CRACD: variants seen among roughly 807,000 people sequenced by gnomAD.
CRACD encodes capping protein inhibiting regulator of actin dynamics, also known as capping protein-inhibiting regulator of actin dynamics.
A neutral mutation model predicts 106.8 loss-of-function variants in CRACD; 56 were observed. The ratio of observed to expected loss-of-function variants is 0.52; its 90% confidence interval spans 0.42 to 0.66. The LOEUF (loss-of-function observed/expected upper bound fraction) is 0.66. Among genes scored for constraint, CRACD ranks in the 30% least tolerant of loss-of-function variants. CRACD has a pLI of 0.00. For synonymous variants in CRACD, 754 were observed against 670.8 expected (o/e 1.12, Z -1.92); for missense variants, 1,730 against 1,623.2 (o/e 1.07, Z -1.13).
intron 2 of CRACD, among the ~76,000 whole-genome samples, chr4:56,271,105 CAAAAAA>C (rs569383234): frequency 1.6e-5 from 1 of 61,412 alleles, no homozygotes; most frequent in Non-Finnish European, 3.6e-5. Context: ...AACTCCATCT[CAAAAAA>C]AAAAAAAAAA....
Position 56,327,975 on chromosome 4 carries a change from G to A in CRACD, c.*171G>A. The stretch of plus-strand genomic sequence containing the variant: ...CTGGTGGTGTTCATTGTAAAGAGTG[G>A]ATTTGCACAACCCTAGGTCCTGGTG... On this transcript the variant is annotated 3_prime_UTR_variant, in exon 11 of 11. Transcript: ENST00000682029. 1 of 597,344 alleles carries A rather than the reference G, an allele frequency of 1.7e-6. No individual in the cohort carries two copies. Among genetic ancestry groups the A allele is most frequent in the Non-Finnish European group, 2.8e-6 (1 of 360,012 alleles). 37.0% of individuals were successfully genotyped at this position (597,344 alleles called of 1,614,324 possible).
intron 1 of CRACD, among the ~76,000 whole-genome samples, chr4:56,075,600 A>G (rs35770075): frequency 0.41 from 61,560 of 151,662 alleles, 14,413 homozygotes; most frequent in African/African-American, 0.65. Context: ...ACCATTAGCA[A>G]TCGCTCCTGG....
intron 2 of CRACD, among the ~76,000 whole-genome samples, chr4:56,202,385 T>C (rs1737923064): frequency 6.6e-6 from 1 of 152,182 alleles, no homozygotes; most frequent in South Asian, 2.1e-4. Flanking sequence ...TAGCTGGGAC[T>C]ACAGGAGCCT....
At chr4:56,210,865 G>A (rs1263298891) in intron 2 of CRACD, among the ~76,000 whole-genome samples, 1 of 152,178 alleles carries the variant, frequency 6.6e-6, no homozygotes, top group Admixed American at 6.5e-5. Flanking sequence ...CAAAGGAAGA[G>A]TTCTCCATGC....
intron 1 of CRACD, among the ~76,000 whole-genome samples, chr4:56,098,644 G>C (rs948047846): frequency 1.3e-5 from 2 of 152,098 alleles, no homozygotes; most frequent in African/African-American, 4.8e-5. Flanking sequence ...ATAATTCCCA[G>C]GGGTTAACAC....
rs142124735 is a variant in CRACD at position 56,188,711 on chromosome 4, CAG to C, written c.-189+9304_-189+9305del. On this transcript the variant is annotated intron_variant, in intron 2 of 10. Transcript: ENST00000682029. ...TCACACACACACACACACACACACA[CAG>C]AGAGAGAGAGAGAGAGAGAGAGGGG... is the stretch of plus-strand genomic sequence containing the variant. Among the ~76,000 whole-genome samples the C allele has an allele frequency of 7.6e-3, 857 of 112,994 alleles. 4 individuals carry two copies. The highest frequency in any genetic ancestry group is 0.024 in the Middle Eastern group (5 of 206). 74.1% of individuals were successfully genotyped at this position (112,994 alleles called of 152,430 possible). A position where few individuals can be genotyped will look rare whatever the true frequency, so the allele number is the denominator to read the frequency against.
intron 2 of CRACD, among the ~76,000 whole-genome samples, chr4:56,228,625 A>T (rs1461801995): frequency 1.4e-5 from 2 of 146,836 alleles, no homozygotes; most frequent in African/African-American, 2.6e-5. Flanking sequence ...AAAAAAAAAA[A>T]AAGAATTCCA....
At chr4:56,240,176 T>C (rs1450406421) in intron 2 of CRACD, among the ~76,000 whole-genome samples, 1 of 152,038 alleles carries the variant, frequency 6.6e-6, no homozygotes, top group Non-Finnish European at 1.5e-5. Context: ...ATGAAATGGG[T>C]TATAATAAAT....
chr4:56,232,249 A>G (rs1051127886), intron 2 of CRACD, among the ~76,000 whole-genome samples: 1 of 152,068 alleles, frequency 6.6e-6, no homozygotes, highest in African/African-American at 2.4e-5. Context: ...GCCTTTTTTA[A>G]CTCAACATAA....
At chr4:56,110,408 A>G (rs918302159) in intron 1 of CRACD, among the ~76,000 whole-genome samples, 3 of 152,184 alleles carry the variant, frequency 2.0e-5, no homozygotes, top group Non-Finnish European at 4.4e-5. Context: ...GGAAACCAGG[A>G]AATAGTGCAT....
chr4:56,273,452 C>G (rs914031503), intron 3 of CRACD, among the ~76,000 whole-genome samples: 1 of 151,594 alleles, frequency 6.6e-6, no homozygotes, highest in African/African-American at 2.4e-5. Context: ...CTTTCCCCGC[C>G]TCTTAGAACA....
At chr4:56,318,340 C>T (rs1159037540) in intron 8 of CRACD, among the ~76,000 whole-genome samples, 1 of 152,096 alleles carries the variant, frequency 6.6e-6, no homozygotes, top group Non-Finnish European at 1.5e-5. Flanking sequence ...GTTTTCTGGA[C>T]AGACATGTTC....
intron 2 of CRACD, among the ~76,000 whole-genome samples, chr4:56,202,504 C>T (rs1163831737): frequency 6.6e-6 from 1 of 152,190 alleles, no homozygotes; most frequent in Non-Finnish European, 1.5e-5. Flanking sequence ...ACCTTGGCCT[C>T]CCAAAGTGCT....
At chr4:56,179,175 T>C in intron 1 of CRACD, 109 bp from the exon 2 acceptor site, 1 of 152,154 alleles carries the variant, frequency 6.6e-6, no homozygotes, top group East Asian at 1.9e-4. Context: ...GGAAGAAACC[T>C]CTTTTGTGCT....
intron 9 of CRACD, 88 bp from the exon 10 acceptor site, chr4:56,324,016 C>A: frequency 7.1e-7 from 1 of 1,417,328 alleles, no homozygotes; most frequent in Non-Finnish European, 9.6e-7. Flanking sequence ...CAGGGGCTGG[C>A]AGGCAGAGGC....
intron 1 of CRACD, among the ~76,000 whole-genome samples, chr4:56,139,178 T>C (rs1735109601): frequency 1.3e-5 from 2 of 152,210 alleles, no homozygotes; most frequent in African/African-American, 4.8e-5. Flanking sequence ...TGCTACTTGA[T>C]TTGTGAGATT....
At chr4:56,313,917 G>C (rs1025924540) in intron 7 of CRACD, 123 bp from the exon 8 acceptor site, 2 of 1,315,018 alleles carry the variant, frequency 1.5e-6, no homozygotes, top group Middle Eastern at 2.3e-4. Flanking sequence ...CCCTGAACTT[G>C]AGAATACCTG....
intron 1 of CRACD, among the ~76,000 whole-genome samples, chr4:56,146,802 A>G (rs1735399157): frequency 6.6e-6 from 1 of 152,132 alleles, no homozygotes; most frequent in South Asian, 2.1e-4. Flanking sequence ...CTATCATTGT[A>G]ACTGGCTCAG....
chr4:56,214,475 C>T (rs1033229909), intron 2 of CRACD, among the ~76,000 whole-genome samples: 19 of 151,732 alleles, frequency 1.3e-4, no homozygotes, highest in African/African-American at 4.4e-4. Context: ...GCCTGTAATC[C>T]CAGCTACTTG....
Sources: gnomAD v4.1 joint callset for allele counts (sites outside exome capture counted in the v4.1 genomes callset) on GRCh38, gnomAD v4.1.1 for gene constraint, MANE v1.5 for transcripts, NCBI Gene and HGNC (gene_info 2026-07-23, HGNC 2026-07-21) for gene names.